Variants in GALNT14 observed in about 807,000 individuals in gnomAD.
GALNT14 encodes polypeptide N-acetylgalactosaminyltransferase 14.
Under a neutral mutation model 77.5 loss-of-function variants are expected in GALNT14, and 60 were observed. That is an observed-to-expected ratio of 0.77 (90% CI 0.63 to 0.96). GALNT14 has a LOEUF of 0.96. GALNT14 is among the 40% of genes least tolerant of loss of function. The pLI, the probability that GALNT14 is intolerant of heterozygous loss-of-function variation, is 0.00. For missense variants in GALNT14, 710 were observed against 731.0 expected (o/e 0.97, Z 0.33); for synonymous variants, 280 against 281.7 (o/e 0.99, Z 0.06).
At chr2:31,114,569 TACACACACGC>T (rs1678005973) in intron 1 of GALNT14, among the ~76,000 whole-genome samples, 1 of 151,650 alleles carries the variant, frequency 6.6e-6, no homozygotes. Context: ...AGTAGAAAAA[TACACACACGC>T]ACACACAAGA....
intron 2 of GALNT14, among the ~76,000 whole-genome samples, chr2:30,987,696 G>GC (rs201404076): frequency 0.023 from 2,934 of 130,070 alleles, 119 homozygotes; most frequent in African/African-American, 0.082. Flanking sequence ...AACTTCTACA[G>GC]CCTTCCTCCT....
chr2:30,955,929 C>T lies in GALNT14; in HGVS notation c.515G>A (p.Arg172His), dbSNP rs150208592. The change falls in exon 5 of 15, where the codon CGC becomes CAC. Residue 172 changes from arginine to histidine, a missense_variant. Arg to His is a conservative substitution (Grantham distance 29). Coordinates refer to ENST00000349752, the MANE Select transcript of GALNT14 (RefSeq NM_024572.4). The stretch of plus-strand genomic sequence containing the variant: ...AGACCTACCTTGCCGTTCATTATTG[C>T]GCAAGCATTTCACCTTGGGCAACTT... ...LIKLPKVKCL[R>H]NNERQGLVRS... 2.0e-5 allele frequency: 33 copies of T among 1,613,974 alleles called. No homozygotes were observed. The Middle Eastern group carries it at 5.0e-4, about 25-fold the overall frequency.
At chr2:31,047,255 G>A (rs1263481769) in intron 1 of GALNT14, among the ~76,000 whole-genome samples, 1 of 152,166 alleles carries the variant, frequency 6.6e-6, no homozygotes, top group Non-Finnish European at 1.5e-5. Context: ...AGCCATGGTG[G>A]GAAGGGAAGT....
chr2:31,113,345 G>C (rs573860796), intron 1 of GALNT14, among the ~76,000 whole-genome samples: 1 of 152,276 alleles, frequency 6.6e-6, no homozygotes, highest in South Asian at 2.1e-4. Context: ...GCAGGGTTGA[G>C]AGAGAGCCTG....
At chr2:31,128,808 C>T (rs191239903) in intron 1 of GALNT14, among the ~76,000 whole-genome samples, 1 of 152,156 alleles carries the variant, frequency 6.6e-6, no homozygotes, top group Non-Finnish European at 1.5e-5. Context: ...GCAGTGGTCC[C>T]GTGGACTGGC....
chr2:30,941,148 T>C (rs1421164730), intron 9 of GALNT14, among the ~76,000 whole-genome samples: 1 of 152,238 alleles, frequency 6.6e-6, no homozygotes, highest in Admixed American at 6.5e-5. Flanking sequence ...CCTGAGCCCC[T>C]GCTCAGAGAG....
the GALNT14 span, among the ~76,000 whole-genome samples, chr2:30,896,965 C>T: frequency 1.3e-5 from 2 of 152,188 alleles, no homozygotes; most frequent in African/African-American, 4.8e-5. Flanking sequence ...ACACCTTCCT[C>T]CATGCTACTC....
intron 1 of GALNT14, among the ~76,000 whole-genome samples, chr2:31,059,820 C>T (rs574011824): frequency 4.6e-5 from 7 of 152,366 alleles, no homozygotes; most frequent in South Asian, 4.1e-4. Flanking sequence ...AGGTCCTCAC[C>T]GGACACTGAC....
intron 1 of GALNT14, among the ~76,000 whole-genome samples, chr2:31,115,860 TA>T (rs982082983): frequency 4.5e-4 from 68 of 152,082 alleles, no homozygotes; most frequent in South Asian, 1.0e-3. Context: ...ATTTTTAAAA[TA>T]AAAAAAATTA....
At chr2:31,106,193 C>G (rs750923723) in intron 1 of GALNT14, among the ~76,000 whole-genome samples, 1 of 152,168 alleles carries the variant, frequency 6.6e-6, no homozygotes, top group South Asian at 2.1e-4. Flanking sequence ...CACCCAAATT[C>G]GTGCTCTTTC....
chr2:30,923,203 C>T (rs55959323), intron 13 of GALNT14, among the ~76,000 whole-genome samples: 33,383 of 151,224 alleles, frequency 0.22, 3,906 homozygotes, highest in East Asian at 0.39. Context: ...GCTGGGATTA[C>T]AGGCGCATGC....
At position 30,934,980 on chromosome 2, in the gene GALNT14, T is replaced by C. The variant is rs960686249; in HGVS notation, c.932-2786A>G. Among the ~76,000 whole-genome samples the C allele has an allele frequency of 3.9e-5, 6 of 152,178 alleles. No individual in the cohort carries two copies. The East Asian group carries it at 5.8e-4, about 15-fold the overall frequency. ...TACAGCCTGCTGTAGCCCTGCCTCC[T>C]CTAAAGACATTCTTCCTCCTTCTAA... On this transcript the variant is annotated intron_variant, in intron 9 of 14. Coordinates refer to ENST00000349752, the MANE Select transcript of GALNT14 (RefSeq NM_024572.4).
chr2:30,980,257 C>T (rs989049115), intron 2 of GALNT14, among the ~76,000 whole-genome samples: 1 of 152,204 alleles, frequency 6.6e-6, no homozygotes, highest in Non-Finnish European at 1.5e-5. Flanking sequence ...TTTCTCCACC[C>T]CTGGCCCTGT....
At chr2:30,916,305 C>T (rs1249796250) in intron 13 of GALNT14, among the ~76,000 whole-genome samples, 1 of 152,224 alleles carries the variant, frequency 6.6e-6, no homozygotes, top group Non-Finnish European at 1.5e-5. Flanking sequence ...CAGGTTTTCT[C>T]TCTGTGCCCG....
intron 1 of GALNT14, among the ~76,000 whole-genome samples, chr2:31,011,973 G>A (rs1053592521): frequency 3.9e-5 from 6 of 151,912 alleles, no homozygotes; most frequent in African/African-American, 1.5e-4. Flanking sequence ...TGATGCCCAG[G>A]AGCTGAAGGT....
chr2:31,009,130 G>A (rs996768210), intron 1 of GALNT14, among the ~76,000 whole-genome samples: 1 of 152,156 alleles, frequency 6.6e-6, no homozygotes, highest in Admixed American at 6.5e-5. Flanking sequence ...AGTTCTTACT[G>A]TAAACTGAGG....
At chr2:31,038,480 C>T (rs1672901817) in intron 1 of GALNT14, among the ~76,000 whole-genome samples, 1 of 151,860 alleles carries the variant, frequency 6.6e-6, no homozygotes, top group Non-Finnish European at 1.5e-5. Flanking sequence ...AAGAGAAGCC[C>T]TAAGAATGGT....
chr2:31,136,585 C>A (rs1679237440), intron 1 of GALNT14, among the ~76,000 whole-genome samples: 1 of 152,228 alleles, frequency 6.6e-6, no homozygotes, highest in Non-Finnish European at 1.5e-5. Flanking sequence ...ACCTAACACA[C>A]TGCCTGAGCA....
At chr2:31,117,105 T>C (rs188077251) in intron 1 of GALNT14, among the ~76,000 whole-genome samples, 36 of 152,266 alleles carry the variant, frequency 2.4e-4, no homozygotes, top group Admixed American at 1.8e-3. Context: ...ACACTTTAAA[T>C]ATTGATTATG....
Sources: gnomAD v4.1 joint callset for allele counts (sites outside exome capture counted in the v4.1 genomes callset) on GRCh38, gnomAD v4.1.1 for gene constraint, MANE v1.5 for transcripts, NCBI Gene and HGNC (gene_info 2026-07-23, HGNC 2026-07-21) for gene names.